Variants in ANKS1B observed in about 807,000 individuals in gnomAD.
ANKS1B encodes the protein ankyrin repeat and sterile alpha motif domain containing 1B, also known as ankyrin repeat and sterile alpha motif domain-containing protein 1B.
A neutral mutation model predicts 148.3 loss-of-function variants in ANKS1B; 36 were observed. That is an observed-to-expected ratio of 0.24 (90% CI 0.19 to 0.32). ANKS1B has a LOEUF of 0.32. Among genes scored for constraint, ANKS1B ranks in the 10% least tolerant of loss-of-function variants. The pLI is 1.00. For missense variants in ANKS1B, 1,157 were observed against 1,542.6 expected (o/e 0.75, Z 4.19); for synonymous variants, 542 against 560.8 (o/e 0.97, Z 0.47).
intron 17 of ANKS1B, among the ~76,000 whole-genome samples, chr12:99,010,206 G>A (rs2099938489): frequency 6.6e-6 from 1 of 152,226 alleles, no homozygotes; most frequent in African/African-American, 2.4e-5. Flanking sequence ...TAACAGCTTA[G>A]CTCTGCCCCT....
intron 12 of ANKS1B, among the ~76,000 whole-genome samples, chr12:99,251,455 A>G (rs2074583808): frequency 1.3e-5 from 2 of 152,208 alleles, no homozygotes; most frequent in Non-Finnish European, 2.9e-5. Context: ...AAACGGAGGA[A>G]AATATACAGA....
intron 17 of ANKS1B, among the ~76,000 whole-genome samples, chr12:99,011,128 AT>A (rs1382162004): frequency 1.3e-5 from 2 of 152,008 alleles, no homozygotes; most frequent in African/African-American, 4.8e-5. Context: ...ACTGCAGCCT[AT>A]TATCCCTGCA....
At chr12:99,637,011 C>T in intron 9 of ANKS1B, among the ~76,000 whole-genome samples, 1 of 152,086 alleles carries the variant, frequency 6.6e-6, no homozygotes, top group Non-Finnish European at 1.5e-5. Context: ...CTTCAGTCAA[C>T]AGTGATGATG....
intron 17 of ANKS1B, among the ~76,000 whole-genome samples, chr12:98,913,991 T>A (rs375254095): frequency 2.6e-5 from 4 of 152,202 alleles, no homozygotes; most frequent in African/African-American, 9.7e-5. Context: ...CCAAAATCCA[T>A]GGGCTTATCT....
intron 9 of ANKS1B, among the ~76,000 whole-genome samples, chr12:99,649,083 C>T (rs146917275): frequency 6.6e-6 from 1 of 152,286 alleles, no homozygotes; most frequent in African/African-American, 2.4e-5. Flanking sequence ...AGCATCCTGA[C>T]CAGTCTATTC....
At chr12:99,744,223 T>G (rs951111846) in intron 8 of ANKS1B, among the ~76,000 whole-genome samples, 1 of 152,190 alleles carries the variant, frequency 6.6e-6, no homozygotes, top group Non-Finnish European at 1.5e-5. Context: ...AATTCTTACT[T>G]AAAAAATTCA....
intron 22 of ANKS1B, among the ~76,000 whole-genome samples, chr12:98,788,418 C>T (rs1034503428): frequency 1.3e-5 from 2 of 152,092 alleles, no homozygotes; most frequent in African/African-American, 2.4e-5. Context: ...GGGAAGTTTC[C>T]CCCTCTAGAC....
intron 15 of ANKS1B, among the ~76,000 whole-genome samples, chr12:99,129,513 A>C (rs951367278): frequency 6.6e-6 from 1 of 152,156 alleles, no homozygotes; most frequent in Non-Finnish European, 1.5e-5. Context: ...ATTTAAATAC[A>C]TGCCACTTTG....
At chr12:98,737,030 A>G (rs986839733) in intron 9 of ANKS1B, among the ~76,000 whole-genome samples, 1 of 152,198 alleles carries the variant, frequency 6.6e-6, no homozygotes, top group African/African-American at 2.4e-5. Context: ...TCCTCCCTCC[A>G]GATTGTTGTA....
At chr12:98,958,019 A>G (rs1367269714) in intron 17 of ANKS1B, among the ~76,000 whole-genome samples, 1 of 152,206 alleles carries the variant, frequency 6.6e-6, no homozygotes, top group Admixed American at 6.5e-5. Flanking sequence ...GCGACAGAAG[A>G]AAAAACCTTC....
At chr12:99,511,737 A>G (rs1346508305) in intron 9 of ANKS1B, among the ~76,000 whole-genome samples, 1 of 152,014 alleles carries the variant, frequency 6.6e-6, no homozygotes, top group Non-Finnish European at 1.5e-5. Flanking sequence ...GGAACAGAAT[A>G]GAGAACTCAG....
At chr12:99,196,952 A>G (rs1415197582) in intron 14 of ANKS1B, among the ~76,000 whole-genome samples, 3 of 152,150 alleles carry the variant, frequency 2.0e-5, no homozygotes, top group Admixed American at 6.5e-5. Context: ...GCAGGGCCAC[A>G]GATAATTCCA....
chr12:99,481,701 T>G (rs949311786), intron 10 of ANKS1B, among the ~76,000 whole-genome samples: 29 of 152,006 alleles, frequency 1.9e-4, no homozygotes, highest in Admixed American at 5.9e-4. Flanking sequence ...CACCAACATT[T>G]GTTGTTTGAC....
At chr12:98,798,073 T>G (rs942636761) in intron 22 of ANKS1B, among the ~76,000 whole-genome samples, 2 of 151,368 alleles carry the variant, frequency 1.3e-5, no homozygotes, top group Non-Finnish European at 2.9e-5. Context: ...TTGGCTAAAA[T>G]AGACTCCTAG....
intron 17 of ANKS1B, among the ~76,000 whole-genome samples, chr12:98,851,352 C>A (rs559880874): frequency 2.6e-5 from 4 of 151,976 alleles, no homozygotes; most frequent in African/African-American, 7.3e-5. Context: ...GATGGCCTCA[C>A]GGAATAGAAG....
intron 16 of ANKS1B, among the ~76,000 whole-genome samples, chr12:99,077,773 T>C (rs1231561506): frequency 1.3e-5 from 2 of 152,192 alleles, no homozygotes; most frequent in Non-Finnish European, 2.9e-5. Flanking sequence ...ATGTCTCTGT[T>C]CTCTTAAAGA....
At chr12:99,635,732 G>A (rs542107694) in intron 9 of ANKS1B, among the ~76,000 whole-genome samples, 53 of 152,124 alleles carry the variant, frequency 3.5e-4, no homozygotes, top group Admixed American at 1.1e-3. Context: ...TTTAAAAATA[G>A]TTAATATGGA....
At chr12:98,753,073 A>G (rs1174733902) in intron 25 of ANKS1B, among the ~76,000 whole-genome samples, 1 of 152,194 alleles carries the variant, frequency 6.6e-6, no homozygotes, top group Admixed American at 6.5e-5. Context: ...TCTATATTTT[A>G]TCATGAAATC....
intron 12 of ANKS1B, among the ~76,000 whole-genome samples, chr12:99,263,368 C>G (rs563903350): frequency 1.3e-5 from 2 of 152,174 alleles, no homozygotes; most frequent in Admixed American, 6.6e-5. Context: ...TATACCTTCT[C>G]TTTTCAATTT....
Sources: allele counts gnomAD v4.1 joint callset (sites outside exome capture counted in the v4.1 genomes callset), GRCh38; gene constraint gnomAD v4.1.1; transcripts MANE v1.5; gene names NCBI Gene and HGNC (gene_info 2026-07-23, HGNC 2026-07-21).